Variants in LAMC1 observed in about 807,000 individuals in gnomAD.
LAMC1 encodes laminin subunit gamma 1.
In LAMC1, 38 loss-of-function variants were observed where a neutral mutation model predicts 173.6. The observed-to-expected ratio is 0.22, with a 90% confidence interval of 0.17 to 0.29. LAMC1 has a LOEUF of 0.29. LAMC1 is among the 10% of genes least tolerant of loss of function. The pLI, the probability that LAMC1 is intolerant of heterozygous loss-of-function variation, is 1.00. For synonymous variants in LAMC1, 746 were observed against 749.1 expected (o/e 1.00, Z 0.07); for missense variants, 1,824 against 2,051.8 (o/e 0.89, Z 2.14).
chr1:183,130,321 C>CT, intron 18 of LAMC1, 23 bp from the exon 19 acceptor site: 1 of 1,588,468 alleles, frequency 6.3e-7, no homozygotes, highest in Non-Finnish European at 8.6e-7. Context: ...AATTTACAGA[C>CT]TTTCTTCTGC....
chr1:183,139,369 G>T (rs893102330), intron 26 of LAMC1, among the ~76,000 whole-genome samples: 38 of 152,144 alleles, frequency 2.5e-4, no homozygotes, highest in African/African-American at 7.7e-4. Context: ...AAGAATGAAG[G>T]TTTATAGCTT....
At chr1:183,053,413 G>A (rs903606070) in intron 1 of LAMC1, among the ~76,000 whole-genome samples, 1 of 145,374 alleles carries the variant, frequency 6.9e-6, no homozygotes, top group African/African-American at 2.6e-5. Context: ...TCTGTTTTTT[G>A]TGTGTGTTTT....
chr1:183,071,445 G>A (rs1456128542), intron 1 of LAMC1, among the ~76,000 whole-genome samples: 1 of 152,128 alleles, frequency 6.6e-6, no homozygotes. Flanking sequence ...TGAGGTTCAT[G>A]TGTGACTCTA....
intron 2 of LAMC1, among the ~76,000 whole-genome samples, chr1:183,104,439 C>CT (rs1352204313): frequency 6.6e-6 from 1 of 152,322 alleles, no homozygotes; most frequent in South Asian, 2.1e-4. Flanking sequence ...GTACTCAGCA[C>CT]TTTAACACAG....
At chr1:183,102,304 G>C (rs1655857038) in intron 1 of LAMC1, among the ~76,000 whole-genome samples, 1 of 152,154 alleles carries the variant, frequency 6.6e-6, no homozygotes, top group Admixed American at 6.5e-5. Context: ...AATTGGCTTA[G>C]GGAGAAAAAA....
chr1:183,063,715 C>T (rs1213099207), intron 1 of LAMC1, among the ~76,000 whole-genome samples: 10 of 152,232 alleles, frequency 6.6e-5, no homozygotes, highest in Non-Finnish European at 1.5e-4. Context: ...TCTGTCTCAT[C>T]AATTCCATTT....
intron 1 of LAMC1, among the ~76,000 whole-genome samples, chr1:183,055,321 G>A (rs1038597518): frequency 2.6e-5 from 4 of 151,906 alleles, no homozygotes; most frequent in African/African-American, 4.8e-5. Flanking sequence ...TCTTCCTAGT[G>A]TGTGAAATGT....
chr1:183,114,822 T>C, intron 5 of LAMC1, 103 bp downstream of exon 5: 1 of 1,087,786 alleles, frequency 9.2e-7, no homozygotes. Flanking sequence ...AATGTGGAGA[T>C]GTATACATTA....
intron 1 of LAMC1, among the ~76,000 whole-genome samples, chr1:183,061,003 T>TG (rs1485910147): frequency 1.3e-5 from 2 of 152,140 alleles, no homozygotes; most frequent in East Asian, 3.8e-4. Flanking sequence ...AGAAGTGACA[T>TG]GGTTAGATAG....
intron 16 of LAMC1, 129 bp from the exon 17 acceptor site, chr1:183,127,097 A>C: frequency 1.4e-6 from 1 of 731,336 alleles, no homozygotes. Flanking sequence ...TCTCATAAAT[A>C]GTCCTGTTTT....
Position 183,121,847 on chromosome 1 carries a change from C to G in LAMC1, c.2115C>G (p.Leu705=). The G allele has an allele frequency of 6.2e-7, 1 of 1,614,180 alleles. No individual in the cohort carries two copies. Among genetic ancestry groups the G allele is most frequent in the Non-Finnish European group, 8.5e-7 (1 of 1,180,036 alleles). Residue 705 remains leucine (L), a synonymous_variant, in exon 12 of 28, where the codon CTC becomes CTG. Coordinates refer to ENST00000258341, the MANE Select transcript of LAMC1 (RefSeq NM_002293.4). ...GYGGQFCEMC[L]SGYRRETPNL... ...GAGGGCAGTTTTGTGAGATGTGCCT[C>G]TCAGGTTACAGAAGAGAAACTCCTA...
intron 1 of LAMC1, among the ~76,000 whole-genome samples, chr1:183,043,317 T>C (rs1439697046): frequency 6.6e-6 from 1 of 152,180 alleles, no homozygotes; most frequent in East Asian, 1.9e-4. Flanking sequence ...AGCCTCACAC[T>C]AGGTCATGTA....
intron 25 of LAMC1, 91 bp downstream of exon 25, chr1:183,136,676 T>G (rs1321222339): frequency 1.8e-6 from 2 of 1,132,182 alleles, no homozygotes; most frequent in Non-Finnish European, 2.5e-6. Flanking sequence ...CCCTTGCAGA[T>G]TTTTTTCCTG....
chr1:183,091,678 G>A lies in LAMC1; in HGVS notation c.419-11650G>A, dbSNP rs115367726. Among the ~76,000 whole-genome samples, 420 of 152,248 alleles carry A rather than the reference G, an allele frequency of 2.8e-3. 1 individual carries two copies. Among genetic ancestry groups the A allele is most frequent in the African/African-American group, 9.7e-3 (405 of 41,544 alleles). ...CTCCCTGAAAATGCCAACATTACCC[G>A]ACACAGACTGGGATTAAACAAGTCT... On this transcript the variant is annotated intron_variant, in intron 1 of 27. Transcript: ENST00000258341.
chr1:183,137,649 C>G lies in LAMC1; in HGVS notation c.4315-20C>G. ...AAGGAAAGCTTTTTTAAAAAAAGTA[C>G]AATTTTCTTTTGTGCCTAGAATGCC... On this transcript the variant is annotated intron_variant, in intron 25 of 27. Coordinates refer to ENST00000258341, the MANE Select transcript of LAMC1 (RefSeq NM_002293.4). 1.3e-6 allele frequency: 2 copies of G among 1,504,798 alleles called. No individual in the cohort carries two copies. The highest frequency in any genetic ancestry group is 1.8e-6 in the Non-Finnish European group (2 of 1,127,854). 93.2% of individuals were successfully genotyped at this position (1,504,798 alleles called of 1,614,324 possible).
chr1:183,139,462 C>G (rs1033969613), intron 26 of LAMC1, among the ~76,000 whole-genome samples: 2 of 152,206 alleles, frequency 1.3e-5, no homozygotes, highest in African/African-American at 2.4e-5. Flanking sequence ...GGTCCTTTCT[C>G]CCTCCTTTTA....
Position 183,040,838 on chromosome 1 carries a change from C to A in LAMC1, c.418+16704C>A, listed in dbSNP as rs751775491. ...ATGTAGGTTGCACTTAAAGAGCATG[C>A]AGTCCAGTGGGAGAGTAAGAATGTG... On this transcript the variant is annotated intron_variant, in intron 1 of 27. Coordinates refer to ENST00000258341, the MANE Select transcript of LAMC1 (RefSeq NM_002293.4). Among the ~76,000 whole-genome samples the A allele has an allele frequency of 6.6e-5, 10 of 152,348 alleles. No homozygotes were observed. In the South Asian group the frequency reaches 1.2e-3, roughly 19 times the overall value.
At chr1:183,112,671 G>A (rs566682620) in intron 4 of LAMC1, among the ~76,000 whole-genome samples, 56 of 152,198 alleles carry the variant, frequency 3.7e-4, no homozygotes, top group African/African-American at 1.3e-3. Context: ...CTGCTTTACC[G>A]TCTCAGAACA....
chr1:183,119,731 C>A (rs1232262602), intron 11 of LAMC1, among the ~76,000 whole-genome samples: 1 of 147,768 alleles, frequency 6.8e-6, no homozygotes, highest in Non-Finnish European at 1.5e-5. Context: ...GTGACCCTGT[C>A]TGAAAAAAAA....
Sources: allele counts gnomAD v4.1 joint callset (sites outside exome capture counted in the v4.1 genomes callset), GRCh38; gene constraint gnomAD v4.1.1; transcripts MANE v1.5; gene names NCBI Gene and HGNC (gene_info 2026-07-23, HGNC 2026-07-21).